Variants in PRSS57 observed in about 807,000 individuals in gnomAD.
The protein encoded by PRSS57 is neutrophil serine protease 4.
Under a neutral mutation model 20.6 loss-of-function variants are expected in PRSS57, and 19 were observed. The ratio of observed to expected loss-of-function variants is 0.92; its 90% CI spans 0.64 to 1.35. PRSS57 has a LOEUF of 1.35. PRSS57 is among the 40% of genes most tolerant of loss of function. PRSS57 has a pLI of 0.00. For synonymous variants in PRSS57, 203 were observed against 176.6 expected (o/e 1.15, Z -1.19); for missense variants, 440 against 403.7 (o/e 1.09, Z -0.77).
At chr19:686,481 G>C (rs2031476027) in intron 4 of PRSS57, among the ~76,000 whole-genome samples, 1 of 152,060 alleles carries the variant, frequency 6.6e-6, no homozygotes, top group African/African-American at 2.4e-5. Context: ...ACTTTTCCAA[G>C]GTCACGCATC....
intron 4 of PRSS57, 141 bp from the exon 5 acceptor site, chr19:686,063 C>A: frequency 1.3e-6 from 1 of 763,884 alleles, no homozygotes; most frequent in South Asian, 1.8e-5. Context: ...CCCCTCCAGG[C>A]CCTGAGGACC....
rs373212190 is a variant in PRSS57 at position 687,075 on chromosome 19, C to A, written c.492G>T (p.Val164=). ...TRCRVAGWGF[V]SDFEELPPGL... ...CAGGCGGCAGCTCCTCAAAGTCAGACACGAAGCCCCAGCCAGCCACCCGGC... is the reference window on the plus strand; with the variant it reads ...CAGGCGGCAGCTCCTCAAAGTCAGAAACGAAGCCCCAGCCAGCCACCCGGC... Residue 164 remains valine, a synonymous_variant, in exon 4 of 5, where the codon GTG becomes GTT. Coordinates refer to ENST00000329267, the MANE Select transcript of PRSS57 (RefSeq NM_001308209.2). 1.9e-6 allele frequency: 3 copies of A among 1,613,982 alleles called. No individual in the cohort carries two copies. The South Asian group carries it at 3.3e-5, about 18-fold the overall frequency.
intron 3 of PRSS57, chr19:690,992 G>A: frequency 2.4e-6 from 1 of 413,950 alleles, no homozygotes; most frequent in Admixed American, 3.0e-5. Flanking sequence ...GCCAGGGGCT[G>A]CACTGCCACC....
At chr19:687,428 T>C (rs143414511) in intron 3 of PRSS57, among the ~76,000 whole-genome samples, 3,552 of 152,228 alleles carry the variant, frequency 0.023, 63 homozygotes, top group South Asian at 0.048. Context: ...TTTTTTGAGA[T>C]GGAGTCTCGC....
intron 3 of PRSS57, among the ~76,000 whole-genome samples, chr19:689,803 C>T (rs150763126): frequency 0.014 from 2,149 of 152,244 alleles, 18 homozygotes; most frequent in Middle Eastern, 0.041. Context: ...CCCGTGATCC[C>T]GACACTTTGG....
chr19:685,818 C>G lies in PRSS57; in HGVS notation c.747G>C (p.Gln249His), dbSNP rs2031457543. The change falls in exon 5 of 5, where the codon CAG becomes CAC. Residue 249 changes from glutamine to histidine, a missense_variant. Transcript: ENST00000329267. ...GDPKTPDVYT[Q>H]VSAFVAWIWD... is the part of the protein sequence containing the mutation. ...AGATCCAGGCCACAAAGGCGGACAC[C>G]TGCGTGTACACGTCGGGGGTCTTGG... The G allele has an allele frequency of 6.4e-7, 1 of 1,566,690 alleles. No homozygotes were observed. The highest frequency in any genetic ancestry group is 1.4e-5 in the African/African-American group (1 of 73,904).
chr19:691,932 A>G lies in PRSS57; in HGVS notation c.304T>C (p.Phe102Leu). ...LSTAEPTQQVFGIDALTTHPD... is the reference protein window; with the variant it reads ...LSTAEPTQQVLGIDALTTHPD... ...TGTGTGGTGAGAGCATCGATGCCAA[A>G]CACCTGCTGGGTGGGCTCCGCAGTA... The change falls in exon 3 of 5, where the codon TTT becomes CTT. Residue 102 changes from phenylalanine (F) to leucine (L), a missense_variant. Physicochemically the swap from Phe to Leu is conservative, Grantham distance 22 (BLOSUM62 0). Transcript: ENST00000329267. 7.5e-7 allele frequency: 1 copy of G among 1,335,098 alleles called. No individual in the cohort carries two copies. The highest frequency in any genetic ancestry group is 9.7e-7 in the Non-Finnish European group (1 of 1,033,188). 82.7% of individuals were successfully genotyped at this position (1,335,098 alleles called of 1,614,324 possible).
intron 3 of PRSS57, 56 bp downstream of exon 3, chr19:691,802 G>C: frequency 3.1e-6 from 4 of 1,306,382 alleles, no homozygotes; most frequent in Non-Finnish European, 3.9e-6. Flanking sequence ...CCGAGCGACA[G>C]AGCGAGAGAC....
rs746389010 is a variant in PRSS57 at position 685,874 on chromosome 19, C to G, written c.691G>C (p.Val231Leu). 10 of 1,555,522 alleles carry G rather than the reference C, an allele frequency of 6.4e-6. No individual in the cohort carries two copies. Among genetic ancestry groups the G allele is most frequent in the Non-Finnish European group, 8.7e-6 (10 of 1,149,932 alleles). ...CCGCACCAGAGGCCCGAGAAGGAAA[C>G]GAGGCCGTGAGCCCGGTTCCTGCAC... ...LVCRNRAHGL[V>L]SFSGLWCGDP... The change falls in exon 5 of 5, where the codon GTT becomes CTT. Residue 231 changes from valine (V) to leucine (L), a missense_variant. Coordinates refer to ENST00000329267, the MANE Select transcript of PRSS57 (RefSeq NM_001308209.2).
chr19:695,083 C>G lies in PRSS57; in HGVS notation c.80-116G>C, dbSNP rs996420077. ...CAGAGACAGGGGGTGAGATTAGAGA[C>G]GGAGAGACCCAGAGAGCTGGAGACA... is the stretch of plus-strand genomic sequence containing the variant. On this transcript the variant is annotated intron_variant, in intron 1 of 4. Coordinates refer to ENST00000329267, the MANE Select transcript of PRSS57 (RefSeq NM_001308209.2). 3 of 1,029,310 alleles carry G rather than the reference C, an allele frequency of 2.9e-6. No individual in the cohort carries two copies. In the African/African-American group the frequency reaches 5.0e-5, roughly 17 times the overall value. The allele number at this position is 1,029,310 out of a possible 1,614,324, so 63.8% of individuals were successfully genotyped here.
Position 685,652 on chromosome 19 carries a change from G to T in PRSS57, c.*64C>A. On this transcript the variant is annotated 3_prime_UTR_variant, in exon 5 of 5. Transcript: ENST00000329267. ...CCCTGAACATCAGGCTTCCCGTGGG[G>T]CCCAGCCACGGAACATTCCAGGCCT... The T allele has an allele frequency of 1.4e-6, 2 of 1,423,222 alleles. No individual in the cohort carries two copies. 88.2% of individuals were successfully genotyped at this position (1,423,222 alleles called of 1,614,324 possible).
intron 3 of PRSS57, chr19:690,489 C>T (rs541455834): frequency 9.9e-5 from 21 of 213,098 alleles, no homozygotes; most frequent in East Asian, 2.6e-4. Context: ...AAGGAGTAGA[C>T]GCCTGTCACC....
chr19:694,762 C>T (rs2031740061), intron 2 of PRSS57, 52 bp downstream of exon 2: 3 of 1,547,342 alleles, frequency 1.9e-6, no homozygotes, highest in Non-Finnish European at 1.7e-6. Context: ...TGGAGTCCCC[C>T]TCATGTCGGG....
intron 3 of PRSS57, 127 bp from the exon 4 acceptor site, chr19:687,315 G>C (rs1383103138): frequency 8.9e-7 from 1 of 1,126,080 alleles, no homozygotes; most frequent in Non-Finnish European, 1.2e-6. Context: ...CATGAGGCCG[G>C]GTCAGGAGGC....
At chr19:692,717 C>G (rs931533489) in intron 2 of PRSS57, among the ~76,000 whole-genome samples, 1 of 151,034 alleles carries the variant, frequency 6.6e-6, no homozygotes, top group Non-Finnish European at 1.5e-5. Context: ...GTGCCCAGCC[C>G]CCAACTTAAT....
chr19:691,808 G>A, intron 3 of PRSS57, 50 bp downstream of exon 3: 1 of 1,314,070 alleles, frequency 7.6e-7, no homozygotes, highest in Non-Finnish European at 9.8e-7. Context: ...GACAGAGCGA[G>A]AGACTGTCTC....
chr19:688,840 C>A (rs536414637), intron 3 of PRSS57, among the ~76,000 whole-genome samples: 1 of 152,202 alleles, frequency 6.6e-6, no homozygotes, highest in South Asian at 2.1e-4. Flanking sequence ...CTCAAATGAT[C>A]TACCCGCCTC....
chr19:695,214 A>C, intron 1 of PRSS57, 138 bp downstream of exon 1: 1 of 483,098 alleles, frequency 2.1e-6, no homozygotes, highest in East Asian at 3.5e-5. Context: ...CATTTCCAGC[A>C]GAGGCAGCCA....
Position 691,985 on chromosome 19 carries a change from A to C in PRSS57, c.251T>G (p.Leu84Arg). Reference sequence around the variant, plus strand: ...CAGGACGTGGGCGCCCAGCACCACCAGGCCAGTGCGGAGGTCTCTGCAGGG... The same window carrying C: ...CAGGACGTGGGCGCCCAGCACCACCCGGCCAGTGCGGAGGTCTCTGCAGGG... ...CFSHRDLRTG[L>R]VVLGAHVLST... The change falls in exon 3 of 5, where the codon CTG becomes CGG. Residue 84 changes from leucine (L) to arginine (R), a missense_variant. By Grantham distance (102) the Leu-to-Arg change is moderately radical. Coordinates refer to ENST00000329267, the MANE Select transcript of PRSS57 (RefSeq NM_001308209.2). 2 of 1,324,880 alleles carry C rather than the reference A, an allele frequency of 1.5e-6. No individual in the cohort carries two copies. Among genetic ancestry groups the C allele is most frequent in the Non-Finnish European group, 1.9e-6 (2 of 1,028,222 alleles). 82.1% of individuals were successfully genotyped at this position (1,324,880 alleles called of 1,614,324 possible). A position where few individuals can be genotyped will look rare whatever the true frequency, so the allele number is the denominator to read the frequency against.
Sources: allele counts gnomAD v4.1 joint callset (sites outside exome capture counted in the v4.1 genomes callset), GRCh38; gene constraint gnomAD v4.1.1; transcripts MANE v1.5; gene names NCBI Gene and HGNC (gene_info 2026-07-23, HGNC 2026-07-21).